INPP4B: variants seen among roughly 807,000 people sequenced by gnomAD.
INPP4B encodes the protein inositol polyphosphate-4-phosphatase type II B.
Under a neutral mutation model 122.5 loss-of-function variants are expected in INPP4B, and 55 were observed. That is an observed-to-expected ratio of 0.45 (90% CI 0.36 to 0.56). The LOEUF is 0.56. INPP4B is among the 20% of genes least tolerant of loss of function. INPP4B has a pLI of 0.00. For missense variants in INPP4B, 1,000 were observed against 1,097.7 expected (o/e 0.91, Z 1.26); for synonymous variants, 403 against 388.7 (o/e 1.04, Z -0.43).
intron 8 of INPP4B, among the ~76,000 whole-genome samples, chr4:142,312,666 G>A (rs1278485127): frequency 1.3e-5 from 2 of 152,194 alleles, no homozygotes; most frequent in Non-Finnish European, 2.9e-5. Flanking sequence ...ACAGAAAGTG[G>A]CTGACCTGGA....
chr4:142,503,237 G>A (rs1823613775), intron 2 of INPP4B, among the ~76,000 whole-genome samples: 1 of 152,144 alleles, frequency 6.6e-6, no homozygotes, highest in Non-Finnish European at 1.5e-5. Context: ...TCAAATACTT[G>A]TGAGTGGGCT....
At chr4:142,489,727 C>A (rs1345456230) in intron 2 of INPP4B, among the ~76,000 whole-genome samples, 1 of 152,014 alleles carries the variant, frequency 6.6e-6, no homozygotes, top group Non-Finnish European at 1.5e-5. Context: ...TCTAGTGATC[C>A]TACCAATTTC....
chr4:142,149,183 G>A (rs916059219), intron 17 of INPP4B, among the ~76,000 whole-genome samples: 1 of 152,186 alleles, frequency 6.6e-6, no homozygotes, highest in African/African-American at 2.4e-5. Flanking sequence ...TGAGAACTGT[G>A]TTCTTGTTTT....
chr4:142,311,147 G>A (rs952032788), intron 8 of INPP4B, among the ~76,000 whole-genome samples: 1 of 152,108 alleles, frequency 6.6e-6, no homozygotes, highest in African/African-American at 2.4e-5. Flanking sequence ...TAAACTCTCC[G>A]ATCTGTTTTG....
At chr4:142,720,667 G>A (rs1225792005) in intron 2 of INPP4B, among the ~76,000 whole-genome samples, 1 of 130,024 alleles carries the variant, frequency 7.7e-6, no homozygotes, top group Non-Finnish European at 1.6e-5. Context: ...ATTCCCAGTT[G>A]GTTGAATCTA....
intron 3 of INPP4B, among the ~76,000 whole-genome samples, chr4:142,440,666 T>C (rs1408342206): frequency 6.6e-6 from 1 of 152,164 alleles, no homozygotes; most frequent in Non-Finnish European, 1.5e-5. Context: ...TCACTTTTTC[T>C]CTCATGGAGC....
intron 12 of INPP4B, among the ~76,000 whole-genome samples, chr4:142,218,758 G>T (rs1380602359): frequency 6.6e-6 from 1 of 152,150 alleles, no homozygotes; most frequent in African/African-American, 2.4e-5. Flanking sequence ...CAGCCAAGAT[G>T]CTTTCATTCA....
chr4:142,042,156 T>C (rs1748057514), intron 25 of INPP4B, among the ~76,000 whole-genome samples: 1 of 152,244 alleles, frequency 6.6e-6, no homozygotes, highest in Admixed American at 6.5e-5. Flanking sequence ...TCCTGTCTTT[T>C]ACCATGCTTG....
At chr4:142,575,915 C>T (rs1733723506) in intron 2 of INPP4B, among the ~76,000 whole-genome samples, 1 of 151,998 alleles carries the variant, frequency 6.6e-6, no homozygotes, top group African/African-American at 2.4e-5. Flanking sequence ...GTTCTGTGTG[C>T]AAAACCACAT....
In INPP4B at chr4:142,350,492, C is replaced by T. The variant is rs189675775; in HGVS notation, c.373-35730G>A. 5.8e-3 allele frequency among the ~76,000 whole-genome samples: 886 copies of T among 152,072 alleles called. 8 individuals are homozygous for T. The highest frequency in any genetic ancestry group is 0.02 in the African/African-American group (829 of 41,528). ...ACTAATGTAATTCAAATTCTCACCA[C>T]ATTTCCCCTTCCCCTAGGTTTACCT... On this transcript the variant is annotated intron_variant, in intron 7 of 25. Coordinates refer to ENST00000262992, the MANE Select transcript of INPP4B (RefSeq NM_001101669.3).
chr4:142,471,175 G>A (rs1352034261), intron 2 of INPP4B, among the ~76,000 whole-genome samples: 3 of 152,132 alleles, frequency 2.0e-5, no homozygotes, highest in Admixed American at 2.0e-4. Context: ...ATGGGAAAAT[G>A]ACAATACTGG....
chr4:142,571,516 C>G (rs1211030590), intron 2 of INPP4B, among the ~76,000 whole-genome samples: 1 of 152,088 alleles, frequency 6.6e-6, no homozygotes, highest in Non-Finnish European at 1.5e-5. Context: ...GCCGGAGAAA[C>G]TTTGTTCTGA....
At chr4:142,233,730 T>C (rs1057449452) in intron 12 of INPP4B, among the ~76,000 whole-genome samples, 1 of 152,162 alleles carries the variant, frequency 6.6e-6, no homozygotes, top group South Asian at 2.1e-4. Context: ...CTTCAGGTTC[T>C]TTTACAGGAC....
intron 9 of INPP4B, among the ~76,000 whole-genome samples, chr4:142,280,676 A>C (rs898616410): frequency 4.6e-5 from 7 of 151,970 alleles, no homozygotes; most frequent in African/African-American, 1.7e-4. Flanking sequence ...TAATGTATAA[A>C]ATGGGATAAA....
chr4:142,387,859 C>G (rs971927860), intron 7 of INPP4B, among the ~76,000 whole-genome samples: 1 of 152,130 alleles, frequency 6.6e-6, no homozygotes, highest in South Asian at 2.1e-4. Flanking sequence ...GCCCGCTGTT[C>G]AAGATGGCCC....
intron 3 of INPP4B, among the ~76,000 whole-genome samples, chr4:142,437,470 G>C (rs115281025): frequency 0.016 from 2,491 of 151,970 alleles, 72 homozygotes; most frequent in African/African-American, 0.057. Flanking sequence ...TATTCTCCAA[G>C]GTCGACATGA....
intron 1 of INPP4B, among the ~76,000 whole-genome samples, chr4:142,753,166 G>A (rs950872275): frequency 2.0e-5 from 3 of 152,092 alleles, no homozygotes; most frequent in Admixed American, 6.6e-5. Context: ...TTATAAGACC[G>A]TTCTTACACC....
At chr4:142,687,876 T>C (rs2150710065) in intron 2 of INPP4B, among the ~76,000 whole-genome samples, 1 of 152,258 alleles carries the variant, frequency 6.6e-6, no homozygotes, top group South Asian at 2.1e-4. Context: ...ATCTCCGCCT[T>C]GTCCCCCAAC....
intron 1 of INPP4B, among the ~76,000 whole-genome samples, chr4:142,758,825 C>T (rs1727198847): frequency 6.6e-6 from 1 of 151,918 alleles, no homozygotes; most frequent in African/African-American, 2.4e-5. Context: ...TGGCAGTGTA[C>T]ACTTGTAGTT....
Sources: allele counts gnomAD v4.1 joint callset (sites outside exome capture counted in the v4.1 genomes callset), GRCh38; gene constraint gnomAD v4.1.1; transcripts MANE v1.5; gene names NCBI Gene and HGNC (gene_info 2026-07-23, HGNC 2026-07-21).